HS6ST1: variants seen among roughly 807,000 people sequenced by gnomAD.
HS6ST1 encodes the protein heparan sulfate 6-O-sulfotransferase 1.
A neutral mutation model predicts 25.2 loss-of-function variants in HS6ST1; 3 were observed. That is an observed-to-expected ratio of 0.12 (90% confidence interval 0.05 to 0.31). The LOEUF (loss-of-function observed/expected upper bound fraction) is 0.31. Ranked by LOEUF, HS6ST1 falls within the 10% of genes least tolerant of loss-of-function variation. The pLI, the probability that HS6ST1 is intolerant of heterozygous loss-of-function variation, is 1.00. For missense variants in HS6ST1, 310 were observed against 609.6 expected (o/e 0.51, Z 5.18); for synonymous variants, 204 against 275.1 (o/e 0.74, Z 2.56).
intron 1 of HS6ST1, among the ~76,000 whole-genome samples, chr2:128,278,535 G>A (rs1461202545): frequency 6.6e-6 from 1 of 152,192 alleles, no homozygotes; most frequent in Non-Finnish European, 1.5e-5. Context: ...ACTGGAGTGT[G>A]AGCTGTCACA....
intron 1 of HS6ST1, among the ~76,000 whole-genome samples, chr2:128,289,418 T>A (rs1381512306): frequency 1.3e-5 from 2 of 152,176 alleles, no homozygotes; most frequent in African/African-American, 4.8e-5. Flanking sequence ...CCCCTGCAGA[T>A]GGGCAAATGG....
chr2:128,317,514 G>A (rs962060052), intron 1 of HS6ST1, among the ~76,000 whole-genome samples: 3 of 152,220 alleles, frequency 2.0e-5, no homozygotes, highest in Admixed American at 2.0e-4. Flanking sequence ...CAGGCAGGCG[G>A]GCAGAGCCAG....
chr2:128,275,476 T>G (rs1328309690), intron 1 of HS6ST1, among the ~76,000 whole-genome samples: 1 of 151,642 alleles, frequency 6.6e-6, no homozygotes. Flanking sequence ...TCTGGAGAGG[T>G]TGGAAAGAGA....
chr2:128,310,468 G>A (rs1694273621), intron 1 of HS6ST1, among the ~76,000 whole-genome samples: 1 of 152,262 alleles, frequency 6.6e-6, no homozygotes, highest in South Asian at 2.1e-4. Context: ...AGCTGGTGGG[G>A]ACAGGTGCAA....
At chr2:128,291,169 G>T (rs1412840851) in intron 1 of HS6ST1, among the ~76,000 whole-genome samples, 1 of 152,168 alleles carries the variant, frequency 6.6e-6, no homozygotes, top group African/African-American at 2.4e-5. Context: ...GAGGAACTAG[G>T]GACCTAACTG....
intron 1 of HS6ST1, among the ~76,000 whole-genome samples, chr2:128,292,508 G>C (rs1335293050): frequency 6.6e-6 from 1 of 152,206 alleles, no homozygotes; most frequent in East Asian, 1.9e-4. Flanking sequence ...CCAGAAGCTG[G>C]AAGGAACCAG....
chr2:128,318,348 G>A lies in HS6ST1; in HGVS notation c.216C>T (p.Val72=), dbSNP rs1355010313. The A allele has an allele frequency of 1.2e-6, 2 of 1,612,118 alleles. No homozygotes were observed. Among genetic ancestry groups the A allele is most frequent in the Non-Finnish European group, 1.7e-6 (2 of 1,179,634 alleles). The change falls in exon 1 of 2, where the codon GTC becomes GTT. Residue 72 remains valine (V), a synonymous_variant. Transcript: ENST00000259241. This position sits in a 1 kb window ranked among gnomAD's most constrained non-coding sequence, Gnocchi z 5.7. ...AGCGCAGCGAGCGCTCCAGCTCGCG[G>A]ACCGGGAAGTAGTACTTCTTCTCGT... The part of the protein sequence containing the change: ...PHYEKKYYFP[V]RELERSLRFD...
chr2:128,304,974 GCCCAGGGCAGTGC>G (rs1694187229), intron 1 of HS6ST1, among the ~76,000 whole-genome samples: 2 of 152,208 alleles, frequency 1.3e-5, no homozygotes. Context: ...CTTCCTGGTG[GCCCAGGGCAGTGC>G]CTGTGATCTG....
intron 1 of HS6ST1, among the ~76,000 whole-genome samples, chr2:128,315,698 C>A (rs188623419): frequency 1.5e-4 from 23 of 152,302 alleles, no homozygotes; most frequent in African/African-American, 5.5e-4. Context: ...CACAGCAGAG[C>A]AGCTTAGCCC....
In HS6ST1 at chr2:128,267,915, C is replaced by A. The variant is rs34162250; in HGVS notation, c.*247G>T. The A allele has an allele frequency of 1.7e-6, 1 of 595,840 alleles. No individual in the cohort carries two copies. Among genetic ancestry groups the A allele is most frequent in the Non-Finnish European group, 3.0e-6 (1 of 334,910 alleles). 36.9% of individuals were successfully genotyped at this position (595,840 alleles called of 1,614,324 possible). ...CAGGCACAACACCTGCTCTGGAGGC[C>A]CTGCCCTGACCATGGCATCCTTCGA... On this transcript the variant is annotated 3_prime_UTR_variant, in exon 2 of 2. Coordinates refer to ENST00000259241, the MANE Select transcript of HS6ST1 (RefSeq NM_004807.3).
intron 1 of HS6ST1, among the ~76,000 whole-genome samples, chr2:128,273,115 T>C (rs1573689739): frequency 6.6e-6 from 1 of 151,962 alleles, no homozygotes; most frequent in African/African-American, 2.4e-5. Flanking sequence ...GGGAGGCGGG[T>C]GTGTTCAAAG....
chr2:128,268,597 G>A lies in HS6ST1; in HGVS notation c.801C>T (p.Phe267=), dbSNP rs544753659. ...GCTGGGCCCGCTTGCCCTCGGGGAT[G>A]AAGGACAGGTTGTAGCAGCCCACCA... is the stretch of plus-strand genomic sequence containing the variant. ...LSLVGCYNLS[F]IPEGKRAQLL... is the part of the protein sequence containing the mutation. Residue 267 remains phenylalanine (F), a synonymous_variant, in exon 2 of 2, where the codon TTC becomes TTT. Coordinates refer to ENST00000259241, the MANE Select transcript of HS6ST1 (RefSeq NM_004807.3). 5 of 1,606,406 alleles carry A rather than the reference G, an allele frequency of 3.1e-6. No homozygotes were observed. The African/African-American group carries it at 6.7e-5, about 21-fold the overall frequency.
intron 1 of HS6ST1, among the ~76,000 whole-genome samples, chr2:128,292,105 G>A (rs1345558131): frequency 1.3e-5 from 2 of 152,340 alleles, no homozygotes; most frequent in African/African-American, 2.4e-5. Context: ...AGTGAGGAGG[G>A]TGAACTGAGG....
At chr2:128,299,560 C>CCAG (rs1694091672) in intron 1 of HS6ST1, among the ~76,000 whole-genome samples, 1 of 152,226 alleles carries the variant, frequency 6.6e-6, no homozygotes, top group Non-Finnish European at 1.5e-5. Flanking sequence ...TGAGGCCCAG[C>CCAG]CCCATGTGGT....
chr2:128,293,160 C>G (rs1055882431), intron 1 of HS6ST1, among the ~76,000 whole-genome samples: 21 of 152,232 alleles, frequency 1.4e-4, no homozygotes, highest in African/African-American at 5.1e-4. Context: ...ACCAGCCAGG[C>G]ACTCCAGCGT....
In HS6ST1 at chr2:128,268,206, C is replaced by T. The variant is rs374958226; in HGVS notation, c.1192G>A (p.Val398Met). ...TGGCTCATGTAGTCCTCGGTGGGCACGCGGCCCGGCTCGTCGGCATCCTCC... is the reference window on the plus strand; with the variant it reads ...TGGCTCATGTAGTCCTCGGTGGGCATGCGGCCCGGCTCGTCGGCATCCTCC... ...PREDADEPGRVPTEDYMSHII... is the reference protein window; with the variant it reads ...PREDADEPGRMPTEDYMSHII... The change falls in exon 2 of 2, where the codon GTG (valine) becomes ATG (methionine). Residue 398 changes from valine to methionine, a missense_variant. Val to Met is a conservative substitution (Grantham distance 21). This residue lies in a region of HS6ST1 where 140 missense variants were observed against 176.5 expected (regional missense o/e 0.79). Coordinates refer to ENST00000259241, the MANE Select transcript of HS6ST1 (RefSeq NM_004807.3). The T allele has an allele frequency of 1.4e-5, 22 of 1,610,114 alleles. No homozygotes were observed. Among genetic ancestry groups the T allele is most frequent in the African/African-American group, 6.7e-5 (5 of 74,930 alleles).
chr2:128,297,634 G>A (rs1223914508), intron 1 of HS6ST1, among the ~76,000 whole-genome samples: 1 of 152,188 alleles, frequency 6.6e-6, no homozygotes, highest in African/African-American at 2.4e-5. Context: ...AGGAGTTCGA[G>A]ACCAGCCTGA....
chr2:128,271,999 C>T (rs1693615730), intron 1 of HS6ST1, among the ~76,000 whole-genome samples: 1 of 152,234 alleles, frequency 6.6e-6, no homozygotes, highest in South Asian at 2.1e-4. Flanking sequence ...TACCCAGGTC[C>T]CCTGGGCGTT....
chr2:128,283,165 C>T (rs1693811554), intron 1 of HS6ST1, among the ~76,000 whole-genome samples: 1 of 152,256 alleles, frequency 6.6e-6, no homozygotes. Context: ...CCAGGACTCT[C>T]TGGCTCCCCA....
Sources: gnomAD v4.1 joint callset for allele counts (sites outside exome capture counted in the v4.1 genomes callset) on GRCh38, gnomAD v4.1.1 for gene constraint, gnomAD v4.1.1 regional missense constraint, Gnocchi (gnomAD v3.1) non-coding constraint, MANE v1.5 for transcripts, NCBI Gene and HGNC (gene_info 2026-07-23, HGNC 2026-07-21) for gene names.